The following FOXP1 variants were observed in gnomAD, a reference collection of about 807,000 sequenced individuals.
FOXP1 encodes the protein forkhead box P1.
FOXP1 carries 15 observed loss-of-function variants against 98.2 expected under a neutral mutation model. That is an observed-to-expected ratio of 0.15 (90% CI 0.10 to 0.24). The LOEUF is 0.24. Among genes scored for constraint, FOXP1 ranks in the 10% least tolerant of loss-of-function variants. The pLI, the probability that FOXP1 is intolerant of heterozygous loss-of-function variation, is 1.00. For synonymous variants in FOXP1, 371 were observed against 314.5 expected, an observed-to-expected ratio of 1.18 and a Z score of -1.90; for missense variants, 633 against 848.5, an observed-to-expected ratio of 0.75 and a Z score of 3.15.
chr3:71,014,081 G>T (rs1003980020), intron 12 of FOXP1, among the ~76,000 whole-genome samples: 14 of 152,252 alleles, frequency 9.2e-5, no homozygotes, highest in Non-Finnish European at 1.3e-4. Context: ...TACCATTCAG[G>T]GCATAGGCAT....
intron 3 of FOXP1, among the ~76,000 whole-genome samples, chr3:71,363,897 G>C (rs1247886485): frequency 6.6e-6 from 1 of 152,136 alleles, no homozygotes; most frequent in Non-Finnish European, 1.5e-5. Flanking sequence ...TTCTTCCCTG[G>C]ATCGTGGGCG....
intron 2 of FOXP1, among the ~76,000 whole-genome samples, chr3:71,520,016 A>C (rs2042863336): frequency 6.6e-6 from 1 of 152,258 alleles, no homozygotes; most frequent in Non-Finnish European, 1.5e-5. Context: ...CTTTGGATTA[A>C]GAAATAAAAT....
intron 3 of FOXP1, among the ~76,000 whole-genome samples, chr3:71,446,964 A>C (rs2108483918): frequency 6.6e-6 from 1 of 152,378 alleles, no homozygotes; most frequent in East Asian, 1.9e-4. Context: ...CAATGGATGA[A>C]GCAGGCAGGG....
chr3:71,021,516 C>T (rs1392135361), intron 11 of FOXP1, among the ~76,000 whole-genome samples: 2 of 152,102 alleles, frequency 1.3e-5, no homozygotes, highest in Admixed American at 6.5e-5. Context: ...TGTACATGTA[C>T]TCTAAGTATC....
chr3:71,239,173 G>A (rs2067045255), intron 5 of FOXP1, among the ~76,000 whole-genome samples: 1 of 152,064 alleles, frequency 6.6e-6, no homozygotes, highest in Admixed American at 6.6e-5. Flanking sequence ...TCTACATGCT[G>A]GGATAAAAAT....
At chr3:71,092,031 T>C (rs1180939570) in intron 7 of FOXP1, among the ~76,000 whole-genome samples, 2 of 151,866 alleles carry the variant, frequency 1.3e-5, no homozygotes, top group South Asian at 2.1e-4. Context: ...CTACTAAAAA[T>C]ACAAAAATTA....
chr3:71,329,355 G>A (rs2076147820), intron 4 of FOXP1, among the ~76,000 whole-genome samples: 2 of 151,940 alleles, frequency 1.3e-5, no homozygotes, highest in Non-Finnish European at 2.9e-5. Flanking sequence ...CCGAGTAGCT[G>A]GGACTACAGG....
intron 6 of FOXP1, among the ~76,000 whole-genome samples, chr3:71,174,711 G>A (rs1414417240): frequency 6.7e-6 from 1 of 149,464 alleles, no homozygotes; most frequent in Admixed American, 6.7e-5. Flanking sequence ...GATCATCTAA[G>A]GAATTTTAGA....
intron 7 of FOXP1, among the ~76,000 whole-genome samples, chr3:71,082,256 G>A (rs2054510034): frequency 6.7e-6 from 1 of 148,980 alleles, no homozygotes; most frequent in Admixed American, 6.7e-5. Context: ...TCCAGCCTGG[G>A]TGACACAGTG....
At chr3:71,300,969 A>C (rs1288859720) in intron 4 of FOXP1, among the ~76,000 whole-genome samples, 1 of 152,214 alleles carries the variant, frequency 6.6e-6, no homozygotes, top group African/African-American at 2.4e-5. Context: ...TGAAAGTGGC[A>C]CTTTGGTGTG....
intron 6 of FOXP1, among the ~76,000 whole-genome samples, chr3:71,196,312 T>A (rs2108367494): frequency 6.6e-6 from 1 of 152,350 alleles, no homozygotes; most frequent in East Asian, 1.9e-4. Flanking sequence ...AGGAAGATGT[T>A]GGTGAAATAT....
rs2045235493 is a variant in FOXP1 at position 71,020,279 on chromosome 3, T to G, written c.870-4626A>C. ...ATTTCTGACATTAAATGATACCAAA[T>G]CCAGTATATATTCAGTAGGATATAA... On this transcript the variant is annotated intron_variant, in intron 11 of 20. Coordinates refer to ENST00000649528, the MANE Select transcript of FOXP1 (RefSeq NM_001349338.3). 2.0e-5 allele frequency among the ~76,000 whole-genome samples: 3 copies of G among 152,180 alleles called. No homozygotes were observed. In the South Asian group the frequency reaches 6.2e-4, roughly 31 times the overall value.
At chr3:71,080,099 T>TCCTACCAGC (rs1220949395) in intron 7 of FOXP1, among the ~76,000 whole-genome samples, 1 of 152,240 alleles carries the variant, frequency 6.6e-6, no homozygotes, top group Non-Finnish European at 1.5e-5. Flanking sequence ...CAATCACCTC[T>TCCTACCAGC]CCTACCAGCT....
chr3:71,477,228 T>C (rs149363090), intron 3 of FOXP1, among the ~76,000 whole-genome samples: 7 of 152,244 alleles, frequency 4.6e-5, no homozygotes, highest in South Asian at 4.2e-4. Context: ...ACCTAGCAAG[T>C]AGAAAAGTTC....
chr3:71,220,661 G>T (rs1299897373), intron 5 of FOXP1, among the ~76,000 whole-genome samples: 5 of 152,078 alleles, frequency 3.3e-5, no homozygotes, highest in African/African-American at 1.2e-4. Context: ...GCTGAGGTGG[G>T]AGGATCACCT....
chr3:71,508,884 T>C (rs1007005022), intron 2 of FOXP1, among the ~76,000 whole-genome samples: 1 of 152,162 alleles, frequency 6.6e-6, no homozygotes, highest in African/African-American at 2.4e-5. Flanking sequence ...CTCAGTTTCC[T>C]TGCTTACAAG....
At chr3:71,028,542 A>G (rs2046434299) in intron 11 of FOXP1, among the ~76,000 whole-genome samples, 1 of 152,210 alleles carries the variant, frequency 6.6e-6, no homozygotes, top group African/African-American at 2.4e-5. Flanking sequence ...TGGAGCAGCT[A>G]CAGGTATCGA....
intron 5 of FOXP1, among the ~76,000 whole-genome samples, chr3:71,218,465 T>C (rs2065107431): frequency 6.6e-6 from 1 of 152,188 alleles, no homozygotes; most frequent in Admixed American, 6.5e-5. Context: ...CTCTGATGGC[T>C]CCTTCTCATT....
At chr3:70,967,636 T>TTTC (rs747780943) in intron 19 of FOXP1, among the ~76,000 whole-genome samples, 93 of 149,980 alleles carry the variant, frequency 6.2e-4, no homozygotes, top group Non-Finnish European at 1.1e-3. Flanking sequence ...TTTTTCTTTC[T>TTTC]TTCTTTTTGT....
Sources: allele counts gnomAD v4.1 joint callset (sites outside exome capture counted in the v4.1 genomes callset), GRCh38; gene constraint gnomAD v4.1.1; transcripts MANE v1.5; gene names NCBI Gene and HGNC (gene_info 2026-07-23, HGNC 2026-07-21).